The following CGAS variants were observed in gnomAD, a reference collection of about 807,000 sequenced individuals.
CGAS encodes cyclic GMP-AMP synthase.
CGAS carries 31 observed loss-of-function variants against 34.0 expected under a neutral mutation model. The ratio of observed to expected loss-of-function variants is 0.91; its 90% CI spans 0.69 to 1.23. CGAS has a LOEUF of 1.23. CGAS is among the 50% of genes most tolerant of loss of function. The probability of loss-of-function intolerance (pLI) is 0.00; values close to 1 mark genes in which losing one functional copy is unlikely to be tolerated. For synonymous variants in CGAS, 266 were observed against 260.0 expected (o/e 1.02, Z -0.22); for missense variants, 597 against 657.6 (o/e 0.91, Z 1.01).
At chr6:73,442,387 C>T (rs80323534) in intron 2 of CGAS, among the ~76,000 whole-genome samples, 4,294 of 151,310 alleles carry the variant, frequency 0.028, 84 homozygotes, top group Middle Eastern at 0.051. Context: ...CATCTTTCTG[C>T]TTCCTTCCAG....
Position 73,423,891 on chromosome 6 carries a change from G to A in CGAS, c.*1336C>T, listed in dbSNP as rs1480444710. 2 of 152,030 alleles carry A rather than the reference G, an allele frequency of 1.3e-5. No homozygotes were observed. Among genetic ancestry groups the A allele is most frequent in the Admixed American group, 6.6e-5 (1 of 15,222 alleles). 9.4% of individuals were successfully genotyped at this position (152,030 alleles called of 1,614,324 possible). On this transcript the variant is annotated 3_prime_UTR_variant, in exon 5 of 5. Coordinates refer to ENST00000370315, the MANE Select transcript of CGAS (RefSeq NM_138441.3). The stretch of plus-strand genomic sequence containing the variant: ...AGAAGTTATTTGTTACACAGACAAC[G>A]AATGAAAGATAAATACCCCAAATAT...
intron 3 of CGAS, among the ~76,000 whole-genome samples, chr6:73,432,953 G>A (rs1770219141): frequency 6.6e-6 from 1 of 151,976 alleles, no homozygotes; most frequent in Non-Finnish European, 1.5e-5. Flanking sequence ...ACACGGTGGT[G>A]GGCACCTGTA....
At chr6:73,437,461 G>A (rs1361708389) in intron 3 of CGAS, among the ~76,000 whole-genome samples, 1 of 151,908 alleles carries the variant, frequency 6.6e-6, no homozygotes, top group Non-Finnish European at 1.5e-5. Flanking sequence ...GGGGTATAGA[G>A]GACTTCTTGC....
rs1770043214 is a variant in CGAS, at chr6:73,424,174, C to T, written c.*1053G>A. 1 of 152,160 alleles carries T rather than the reference C, an allele frequency of 6.6e-6. No individual in the cohort carries two copies. The highest frequency in any genetic ancestry group is 1.5e-5 in the Non-Finnish European group (1 of 68,032). The allele number at this position is 152,160 out of a possible 1,614,324, so 9.4% of individuals were successfully genotyped here. A position where few individuals can be genotyped will look rare whatever the true frequency, so the allele number is the denominator to read the frequency against. On this transcript the variant is annotated 3_prime_UTR_variant, in exon 5 of 5. Coordinates refer to ENST00000370315, the MANE Select transcript of CGAS (RefSeq NM_138441.3). ...TTTCAGCCAGGCGTGGTGGCTCACA[C>T]CTGTAATCCCAGCACTTTGGGAGGC...
Position 73,425,703 on chromosome 6 carries a change from G to A in CGAS, c.1218-125C>T. ...ATAACATAAATATAGGCCGGGCGTG[G>A]TGACACAACGCCTGTAATCCCAGCA... On this transcript the variant is annotated intron_variant, in intron 4 of 4. Coordinates refer to ENST00000370315, the MANE Select transcript of CGAS (RefSeq NM_138441.3). 4.8e-6 allele frequency: 3 copies of A among 622,268 alleles called. No homozygotes were observed. The South Asian group carries it at 6.6e-5, about 14-fold the overall frequency. 38.5% of individuals were successfully genotyped at this position (622,268 alleles called of 1,614,324 possible).
intron 3 of CGAS, among the ~76,000 whole-genome samples, chr6:73,438,463 T>C (rs1770312968): frequency 6.6e-6 from 1 of 152,078 alleles, no homozygotes; most frequent in African/African-American, 2.4e-5. Flanking sequence ...TTTGGGAGGC[T>C]GAGGCGGGTG....
chr6:73,428,455 C>T (rs1171495560), intron 4 of CGAS, among the ~76,000 whole-genome samples: 1 of 152,106 alleles, frequency 6.6e-6, no homozygotes, highest in Non-Finnish European at 1.5e-5. Flanking sequence ...ACTGATACAT[C>T]TATACAAAAA....
chr6:73,434,933 C>G (rs1175592686), intron 3 of CGAS, among the ~76,000 whole-genome samples: 1 of 151,946 alleles, frequency 6.6e-6, no homozygotes, highest in Non-Finnish European at 1.5e-5. Flanking sequence ...CAGGCAAGAC[C>G]CACTGTGCCC....
intron 2 of CGAS, among the ~76,000 whole-genome samples, chr6:73,440,771 G>A (rs1473158907): frequency 2.6e-5 from 4 of 152,024 alleles, no homozygotes; most frequent in Non-Finnish European, 1.5e-5. Context: ...GCATGGTGGC[G>A]AATGCCTGTA....
At chr6:73,438,300 G>A (rs913700800) in intron 3 of CGAS, among the ~76,000 whole-genome samples, 1 of 152,138 alleles carries the variant, frequency 6.6e-6, no homozygotes, top group Non-Finnish European at 1.5e-5. Context: ...AATCTGGAAT[G>A]ATGGCAGATG....
chr6:73,450,164 C>T (rs1478847823), intron 1 of CGAS, among the ~76,000 whole-genome samples: 1 of 151,836 alleles, frequency 6.6e-6, no homozygotes, highest in Admixed American at 6.6e-5. Context: ...CGCCTGTAAT[C>T]CCAGCACTTT....
chr6:73,445,125 T>G (rs1015778025), intron 2 of CGAS, among the ~76,000 whole-genome samples: 1 of 152,008 alleles, frequency 6.6e-6, no homozygotes, highest in South Asian at 2.1e-4. Flanking sequence ...AAGTAAACAT[T>G]TGGGAGTCAT....
intron 2 of CGAS, among the ~76,000 whole-genome samples, chr6:73,443,011 T>TA (rs1318402540): frequency 6.6e-6 from 1 of 151,954 alleles, no homozygotes; most frequent in Non-Finnish European, 1.5e-5. Context: ...ACACCACAGT[T>TA]AGCCCAGACA....
intron 2 of CGAS, among the ~76,000 whole-genome samples, chr6:73,442,204 C>G (rs918439896): frequency 2.6e-5 from 4 of 152,000 alleles, no homozygotes; most frequent in African/African-American, 9.7e-5. Flanking sequence ...CACCTCTGCC[C>G]ATAGTCTCTG....
chr6:73,436,331 C>T (rs1770278666), intron 3 of CGAS, among the ~76,000 whole-genome samples: 1 of 149,666 alleles, frequency 6.7e-6, no homozygotes, highest in Non-Finnish European at 1.5e-5. Flanking sequence ...TAGTTTTTAC[C>T]TGACTTCTTT....
intron 4 of CGAS, among the ~76,000 whole-genome samples, chr6:73,428,424 C>T (rs777488875): frequency 6.6e-6 from 1 of 152,092 alleles, no homozygotes; most frequent in Non-Finnish European, 1.5e-5. Flanking sequence ...GGCTAGTGCT[C>T]ATACCCTCTC....
intron 1 of CGAS, among the ~76,000 whole-genome samples, chr6:73,446,100 G>A (rs113548973): frequency 0.023 from 3,535 of 151,966 alleles, 53 homozygotes; most frequent in Middle Eastern, 0.058. Context: ...AGGCCAAGGC[G>A]GGCGATTCAC....
At chr6:73,432,129 A>T (rs1200815152) in intron 3 of CGAS, among the ~76,000 whole-genome samples, 1 of 151,230 alleles carries the variant, frequency 6.6e-6, no homozygotes, top group Non-Finnish European at 1.5e-5. Flanking sequence ...CAGCTAATAT[A>T]AGAAAATTAT....
chr6:73,428,517 TAAC>T (rs1562290500), intron 4 of CGAS, among the ~76,000 whole-genome samples, 189 bp downstream of exon 4: 1 of 152,136 alleles, frequency 6.6e-6, no homozygotes, highest in Admixed American at 6.6e-5. Flanking sequence ...CCTTGCCTTC[TAAC>T]AACACCCTTT....
Sources: allele counts gnomAD v4.1 joint callset (sites outside exome capture counted in the v4.1 genomes callset), GRCh38; gene constraint gnomAD v4.1.1; transcripts MANE v1.5; gene names NCBI Gene and HGNC (gene_info 2026-07-23, HGNC 2026-07-21).